Variants in MALRD1 observed in about 807,000 individuals in gnomAD.
MALRD1 encodes MAM and LDL receptor class A domain containing 1.
In MALRD1, 247 loss-of-function variants were observed where a neutral mutation model predicts 242.1. The observed-to-expected ratio is 1.02, with a 90% CI of 0.92 to 1.13. The LOEUF (loss-of-function observed/expected upper bound fraction) is 1.13. MALRD1 is among the 50% of genes most tolerant of loss of function. The pLI is 0.00. For missense variants in MALRD1, 2,989 were observed against 2,533.1 expected (o/e 1.18, Z -3.86); for synonymous variants, 995 against 866.6 (o/e 1.15, Z -2.60).
At chr10:19,128,461 G>C (rs969095909) in intron 8 of MALRD1, 74 bp downstream of exon 8, 1 of 1,029,196 alleles carries the variant, frequency 9.7e-7, no homozygotes, top group Non-Finnish European at 1.2e-6. Context: ...CTTGTGTTTC[G>C]ATTTCTCAGT....
At chr10:19,419,611 T>C (rs1048752726) in intron 28 of MALRD1, among the ~76,000 whole-genome samples, 9 of 152,144 alleles carry the variant, frequency 5.9e-5, no homozygotes, top group African/African-American at 2.2e-4. Context: ...TGAGCCACCA[T>C]GCCCGGCTGA....
chr10:19,310,969 A>G (rs931584782), intron 21 of MALRD1, among the ~76,000 whole-genome samples: 2 of 151,596 alleles, frequency 1.3e-5, no homozygotes, highest in East Asian at 3.9e-4. Flanking sequence ...GTCAACATCT[A>G]TTTTAGTGCT....
chr10:19,484,240 A>G (rs1837144572), intron 29 of MALRD1, among the ~76,000 whole-genome samples: 1 of 152,226 alleles, frequency 6.6e-6, no homozygotes, highest in Non-Finnish European at 1.5e-5. Context: ...TATCCATGAG[A>G]CAAACCTGTG....
intron 19 of MALRD1, among the ~76,000 whole-genome samples, chr10:19,273,307 A>G (rs901456807): frequency 1.3e-5 from 2 of 152,232 alleles, no homozygotes; most frequent in Admixed American, 1.3e-4. Context: ...ACCAAGTTAT[A>G]TAGCCGCTTT....
At chr10:19,636,058 G>A (rs1840112888) in intron 36 of MALRD1, among the ~76,000 whole-genome samples, 2 of 151,998 alleles carry the variant, frequency 1.3e-5, no homozygotes, top group East Asian at 1.9e-4. Flanking sequence ...GCACCACCAC[G>A]CCTGGCTAAT....
intron 31 of MALRD1, among the ~76,000 whole-genome samples, chr10:19,501,821 C>T (rs908184182): frequency 6.6e-6 from 1 of 151,884 alleles, no homozygotes; most frequent in African/African-American, 2.4e-5. Flanking sequence ...TGCTTGAACC[C>T]AGCAGTTCGA....
chr10:19,085,400 A>T (rs2131290773), intron 2 of MALRD1, among the ~76,000 whole-genome samples: 1 of 151,950 alleles, frequency 6.6e-6, no homozygotes, highest in African/African-American at 2.4e-5. Context: ...AGTACACACT[A>T]AAAAAAATTG....
chr10:19,329,988 G>A (rs965434939), intron 23 of MALRD1, among the ~76,000 whole-genome samples: 1 of 152,120 alleles, frequency 6.6e-6, no homozygotes, highest in Non-Finnish European at 1.5e-5. Flanking sequence ...GAGCATTGCA[G>A]CATATGTTGA....
At chr10:19,338,766 TTTAAG>T (rs996049528) in intron 24 of MALRD1, among the ~76,000 whole-genome samples, 4 of 151,808 alleles carry the variant, frequency 2.6e-5, no homozygotes, top group Non-Finnish European at 4.4e-5. Flanking sequence ...AATTATACTC[TTTAAG>T]TTATTTTAAG....
chr10:19,313,795 T>C (rs1483160273), intron 21 of MALRD1, among the ~76,000 whole-genome samples: 1 of 151,530 alleles, frequency 6.6e-6, no homozygotes, highest in African/African-American at 2.4e-5. Context: ...TATTCTCCAG[T>C]GAATGTCATA....
chr10:19,490,567 G>A (rs1198513673), intron 29 of MALRD1, among the ~76,000 whole-genome samples: 2 of 148,104 alleles, frequency 1.4e-5, no homozygotes, highest in Non-Finnish European at 3.0e-5. Context: ...GGGAGGCTGA[G>A]GTGGGTGGGG....
At chr10:19,067,134 T>C (rs1479710729) in intron 2 of MALRD1, among the ~76,000 whole-genome samples, 1 of 152,210 alleles carries the variant, frequency 6.6e-6, no homozygotes, top group Non-Finnish European at 1.5e-5. Context: ...GCTTAGAGAA[T>C]AATTGGGATT....
intron 14 of MALRD1, among the ~76,000 whole-genome samples, chr10:19,198,524 G>A (rs1435700266): frequency 1.3e-5 from 2 of 152,142 alleles, no homozygotes; most frequent in African/African-American, 2.4e-5. Flanking sequence ...CTGTTGTAGA[G>A]GGAGTCACTA....
chr10:19,653,653 G>C (rs1840992366), intron 36 of MALRD1, among the ~76,000 whole-genome samples: 1 of 132,670 alleles, frequency 7.5e-6, no homozygotes, highest in Non-Finnish European at 1.5e-5. Context: ...CCTCTAAGCA[G>C]GTAACTTAAA....
intron 28 of MALRD1, among the ~76,000 whole-genome samples, chr10:19,442,846 G>A (rs1257981565): frequency 6.6e-6 from 1 of 152,124 alleles, no homozygotes; most frequent in Non-Finnish European, 1.5e-5. Context: ...AATGAGTTAG[G>A]GAGGATTCCC....
intron 36 of MALRD1, among the ~76,000 whole-genome samples, chr10:19,661,626 G>A (rs546452661): frequency 9.2e-5 from 14 of 152,154 alleles, no homozygotes; most frequent in African/African-American, 3.4e-4. Context: ...CACACACTGG[G>A]GCCTGTTGAG....
intron 11 of MALRD1, among the ~76,000 whole-genome samples, chr10:19,146,711 G>T (rs190903561): frequency 2.0e-5 from 3 of 152,052 alleles, no homozygotes; most frequent in Non-Finnish European, 2.9e-5. Context: ...CTTGTTTCTG[G>T]GAACTGAGAA....
Position 19,449,312 on chromosome 10 carries a change from G to C in MALRD1, c.4846-995G>C, listed in dbSNP as rs540980266. Among the ~76,000 whole-genome samples the C allele has an allele frequency of 1.3e-3, 200 of 152,270 alleles. 1 individual carries two copies. The highest frequency in any genetic ancestry group is 4.5e-3 in the African/African-American group (188 of 41,548). On this transcript the variant is annotated intron_variant, in intron 28 of 39. Transcript: ENST00000454679. ...CTGCCTCAGTCTCCCAAGTAGCTGG[G>C]ACTACTGGCGTGTGCCACCACGCCC...
intron 31 of MALRD1, among the ~76,000 whole-genome samples, chr10:19,507,924 T>G (rs144173768): frequency 6.6e-6 from 1 of 152,322 alleles, no homozygotes; most frequent in Admixed American, 6.5e-5. Context: ...GAAGCCCATT[T>G]TTTTGAGGCA....
Sources: allele counts gnomAD v4.1 joint callset (sites outside exome capture counted in the v4.1 genomes callset), GRCh38; gene constraint gnomAD v4.1.1; transcripts MANE v1.5; gene names NCBI Gene and HGNC (gene_info 2026-07-23, HGNC 2026-07-21).